DLG2: variants seen among roughly 807,000 people sequenced by gnomAD.
DLG2 encodes disks large homolog 2.
Under a neutral mutation model 132.5 loss-of-function variants are expected in DLG2, and 45 were observed. The ratio of observed to expected loss-of-function variants is 0.34; its 90% CI spans 0.27 to 0.44. The LOEUF (loss-of-function observed/expected upper bound fraction) is 0.44. Ranked by LOEUF, DLG2 falls within the 20% of genes least tolerant of loss-of-function variation. The pLI, the probability that DLG2 is intolerant of heterozygous loss-of-function variation, is 1.00. For synonymous variants in DLG2, 424 were observed against 419.6 expected (o/e 1.01, Z -0.13); for missense variants, 1,045 against 1,196.9 (o/e 0.87, Z 1.87).
chr11:85,559,445 G>A (rs1307591419), intron 3 of DLG2, among the ~76,000 whole-genome samples: 5 of 151,320 alleles, frequency 3.3e-5, no homozygotes, highest in African/African-American at 9.7e-5. Context: ...CACTGCGCCC[G>A]GCCACATGGC....
chr11:85,391,749 T>A (rs2086817274), intron 3 of DLG2, among the ~76,000 whole-genome samples: 1 of 152,002 alleles, frequency 6.6e-6, no homozygotes, highest in East Asian at 1.9e-4. Context: ...TCTTTATGAT[T>A]AAAATTCTCA....
intron 6 of DLG2, among the ~76,000 whole-genome samples, chr11:84,710,265 G>A (rs1253190807): frequency 2.1e-4 from 32 of 151,892 alleles, no homozygotes; most frequent in Admixed American, 2.1e-3. Flanking sequence ...AAACTGAAAG[G>A]TCCCCAAGGC....
intron 3 of DLG2, among the ~76,000 whole-genome samples, chr11:85,302,401 G>T (rs1207786202): frequency 1.3e-5 from 2 of 152,104 alleles, no homozygotes; most frequent in African/African-American, 4.8e-5. Flanking sequence ...GTCAGGCAAG[G>T]TGGTAGGTAA....
At chr11:85,242,394 G>C (rs1443467698) in intron 4 of DLG2, among the ~76,000 whole-genome samples, 1 of 151,306 alleles carries the variant, frequency 6.6e-6, no homozygotes, top group Non-Finnish European at 1.5e-5. Context: ...TTCCAGTCTA[G>C]TATTTTGTAC....
At chr11:83,806,541 A>G (rs2153953134) in intron 17 of DLG2, among the ~76,000 whole-genome samples, 1 of 152,244 alleles carries the variant, frequency 6.6e-6, no homozygotes, top group South Asian at 2.1e-4. Context: ...ATAATAACAC[A>G]CGATGTTCTG....
intron 6 of DLG2, among the ~76,000 whole-genome samples, chr11:85,084,912 T>C (rs1020567058): frequency 3.9e-5 from 6 of 152,176 alleles, no homozygotes; most frequent in African/African-American, 1.4e-4. Flanking sequence ...AAATTTTGAA[T>C]GTCGAAGATA....
chr11:84,883,270 G>A (rs958271873), intron 6 of DLG2, among the ~76,000 whole-genome samples: 1 of 151,946 alleles, frequency 6.6e-6, no homozygotes, highest in African/African-American at 2.4e-5. Flanking sequence ...GAGAACACAT[G>A]GACACAGGGA....
intron 6 of DLG2, among the ~76,000 whole-genome samples, chr11:85,028,456 G>A (rs1028882453): frequency 3.3e-5 from 5 of 152,260 alleles, no homozygotes; most frequent in Middle Eastern, 3.4e-3. Context: ...GAGCCTGTCT[G>A]CTTCCTGCCA....
intron 10 of DLG2, among the ~76,000 whole-genome samples, chr11:84,077,136 T>C (rs2096840155): frequency 6.6e-6 from 1 of 152,216 alleles, no homozygotes; most frequent in South Asian, 2.1e-4. Context: ...TGTCTTGACC[T>C]GGCATCTCCC....
intron 8 of DLG2, among the ~76,000 whole-genome samples, chr11:84,188,703 G>T (rs2096336300): frequency 1.3e-5 from 2 of 151,948 alleles, no homozygotes; most frequent in African/African-American, 4.8e-5. Context: ...ATTCTCTTTT[G>T]CTCCTCCCAC....
rs755995222 is a variant in DLG2 at position 83,484,212 on chromosome 11, C to T, written c.2210G>A (p.Arg737His). The T allele has an allele frequency of 9.9e-6, 16 of 1,612,962 alleles. No individual in the cohort carries two copies. Among genetic ancestry groups the T allele is most frequent in the East Asian group, 2.2e-5 (1 of 44,854 alleles). ...IDSKGSFNDK[R>H]KKSFIFSRKF... is the part of the protein sequence containing the mutation. ...TCGTGAAAAGATGAAGCTCTTTTTA[C>T]GCTTGTCATTGAATGACTGTGAAGG... is the stretch of plus-strand genomic sequence containing the variant. Residue 737 changes from arginine to histidine, a missense_variant, in exon 22 of 28, where the codon CGT becomes CAT. Transcript: ENST00000376104.
chr11:84,550,865 C>T (rs1299055175), intron 6 of DLG2, among the ~76,000 whole-genome samples: 1 of 152,166 alleles, frequency 6.6e-6, no homozygotes, highest in Non-Finnish European at 1.5e-5. Context: ...AAATTAAATT[C>T]TAGTTGCGTT....
rs2099722348 is a variant in DLG2 at position 84,679,121 on chromosome 11, A to C, written c.358-144390T>G. On this transcript the variant is annotated intron_variant, in intron 6 of 27. Transcript: ENST00000376104. ...TGTATTTGAAATAAAAAATAATACA[A>C]AATAACAGCAATGACTCCAATAATA... Among the ~76,000 whole-genome samples, 2 of 152,012 alleles carry C rather than the reference A, an allele frequency of 1.3e-5. 1 individual carries two copies. The highest frequency in any genetic ancestry group is 4.1e-4 in the South Asian group (2 of 4,828).
In DLG2 at chr11:83,520,698, G is replaced by GATAGATAA. The variant is rs747612716; in HGVS notation, c.2193+12009_2193+12010insTTATCTAT. ...AGACAGACAGGTAAGTAGGTAGGTA[G>GATAGATAA]ATAGATAGATAGATAGATAGATAGA... On this transcript the variant is annotated intron_variant, in intron 21 of 27. Transcript: ENST00000376104. Among the ~76,000 whole-genome samples the GATAGATAA allele has an allele frequency of 3.8e-5, 3 of 78,230 alleles. No individual in the cohort carries two copies. In the East Asian group the frequency reaches 7.8e-4, roughly 20 times the overall value. The allele number at this position is 78,230 out of a possible 152,430, so 51.3% of individuals were successfully genotyped here.
intron 3 of DLG2, among the ~76,000 whole-genome samples, chr11:85,375,277 G>A (rs748061122): frequency 2.7e-4 from 41 of 152,024 alleles, no homozygotes; most frequent in Non-Finnish European, 5.0e-4. Flanking sequence ...TAACTACTGG[G>A]GACTATGTTG....
At chr11:84,795,130 A>G (rs779690096) in intron 6 of DLG2, among the ~76,000 whole-genome samples, 1 of 152,124 alleles carries the variant, frequency 6.6e-6, no homozygotes, top group Admixed American at 6.6e-5. Flanking sequence ...ATCAGCATGC[A>G]CTTCCTCCAC....
intron 6 of DLG2, among the ~76,000 whole-genome samples, chr11:85,080,287 G>A (rs1465493330): frequency 6.6e-6 from 1 of 152,020 alleles, no homozygotes; most frequent in Non-Finnish European, 1.5e-5. Context: ...AGGAAAGAAG[G>A]TAATCTTTTC....
intron 6 of DLG2, among the ~76,000 whole-genome samples, chr11:84,913,082 G>A (rs994779365): frequency 3.9e-5 from 6 of 152,150 alleles, no homozygotes; most frequent in Non-Finnish European, 7.4e-5. Context: ...GATTCTACAG[G>A]ATTTGTGGAT....
chr11:84,051,732 C>A lies in DLG2; in HGVS notation c.919+7583G>T, dbSNP rs527821882. On this transcript the variant is annotated intron_variant, in intron 11 of 27. Coordinates refer to ENST00000376104, the MANE Select transcript of DLG2 (RefSeq NM_001142699.3). Reference sequence around the variant, plus strand: ...GGCACATGTATACATATGTAACTAACCTGCACGTTGTGCACATGTACCCTA... The same window carrying A: ...GGCACATGTATACATATGTAACTAAACTGCACGTTGTGCACATGTACCCTA... Among the ~76,000 whole-genome samples, 14 of 151,346 alleles carry A rather than the reference C, an allele frequency of 9.3e-5. No homozygotes were observed. In the East Asian group the frequency reaches 2.7e-3, roughly 30 times the overall value.
Sources: allele counts gnomAD v4.1 joint callset (sites outside exome capture counted in the v4.1 genomes callset), GRCh38; gene constraint gnomAD v4.1.1; transcripts MANE v1.5; gene names NCBI Gene and HGNC (gene_info 2026-07-23, HGNC 2026-07-21).